ANO3: variants seen among roughly 807,000 people sequenced by gnomAD.
ANO3 encodes anoctamin 3.
ANO3 carries 99 observed loss-of-function variants against 144.8 expected under a neutral mutation model. The ratio of observed to expected loss-of-function variants is 0.68; its 90% CI spans 0.58 to 0.81. The LOEUF is 0.81. Ranked by LOEUF, ANO3 falls within the 30% of genes least tolerant of loss-of-function variation. ANO3 has a pLI of 0.00. For synonymous variants in ANO3, 414 were observed against 392.6 expected (o/e 1.05, Z -0.64); for missense variants, 905 against 1,202.2 (o/e 0.75, Z 3.66).
chr11:26,264,097 G>C (rs1040219646), intron 1 of ANO3, among the ~76,000 whole-genome samples: 1 of 152,162 alleles, frequency 6.6e-6, no homozygotes, highest in Non-Finnish European at 1.5e-5. Context: ...ACCCAAGGAG[G>C]GGTAGGGCCC....
At chr11:26,408,191 T>C (rs1857338544) in intron 1 of ANO3, among the ~76,000 whole-genome samples, 1 of 151,902 alleles carries the variant, frequency 6.6e-6, no homozygotes, top group South Asian at 2.1e-4. Context: ...ACAGGCAACC[T>C]ACAAAATGGG....
intron 7 of ANO3, among the ~76,000 whole-genome samples, chr11:26,527,051 T>A (rs534650636): frequency 3.8e-3 from 207 of 54,012 alleles, no homozygotes; most frequent in Non-Finnish European, 6.1e-3. Flanking sequence ...TGCTACTACA[T>A]AATTAGTAGG....
chr11:26,651,649 C>A (rs1444238321), intron 24 of ANO3, among the ~76,000 whole-genome samples: 1 of 151,788 alleles, frequency 6.6e-6, no homozygotes, highest in Non-Finnish European at 1.5e-5. Flanking sequence ...AAGTAATAGA[C>A]GTTTTCTAAA....
At chr11:26,309,667 T>G (rs979989129) in exon 1 of ANO3, 22 of 985,296 alleles carry the variant, frequency 2.2e-5, no homozygotes, top group Non-Finnish European at 2.7e-5. Context: ...TGTGCTTTTC[T>G]CATCGTGAGC....
At chr11:26,276,609 T>A (rs1853565497) in intron 1 of ANO3, among the ~76,000 whole-genome samples, 1 of 152,160 alleles carries the variant, frequency 6.6e-6, no homozygotes, top group Non-Finnish European at 1.5e-5. Flanking sequence ...GCCATGATTC[T>A]CAGTTAAAAC....
intron 3 of ANO3, among the ~76,000 whole-genome samples, chr11:26,452,459 C>G (rs1175456315): frequency 6.6e-6 from 1 of 152,068 alleles, no homozygotes; most frequent in African/African-American, 2.4e-5. Flanking sequence ...CCGATGCGAT[C>G]AACTGGAAGA....
At chr11:26,422,027 A>T (rs1271716413) in intron 1 of ANO3, among the ~76,000 whole-genome samples, 1 of 152,022 alleles carries the variant, frequency 6.6e-6, no homozygotes, top group East Asian at 1.9e-4. Flanking sequence ...TGATGAAGTA[A>T]TCTCTGCAAC....
intron 1 of ANO3, among the ~76,000 whole-genome samples, chr11:26,303,993 G>A (rs144204741): frequency 0.019 from 2,967 of 152,196 alleles, 62 homozygotes; most frequent in East Asian, 0.12. Flanking sequence ...GATTACAGGC[G>A]TGAGCCATCG....
chr11:26,372,681 T>C (rs933038279), intron 1 of ANO3, among the ~76,000 whole-genome samples: 1 of 152,170 alleles, frequency 6.6e-6, no homozygotes, highest in African/African-American at 2.4e-5. Flanking sequence ...CAAAAAATTT[T>C]GATACTCAGG....
At chr11:26,624,631 G>A in intron 18 of ANO3, 133 bp downstream of exon 18, 1 of 632,426 alleles carries the variant, frequency 1.6e-6, no homozygotes, top group Non-Finnish European at 2.8e-6. Context: ...AAAAGGAGAG[G>A]GGTAGTATAG....
intron 18 of ANO3, among the ~76,000 whole-genome samples, chr11:26,632,496 A>T (rs1463876084): frequency 6.7e-6 from 1 of 149,546 alleles, no homozygotes; most frequent in Non-Finnish European, 1.5e-5. Context: ...AGCCTGGGCA[A>T]CAGAGTGAGA....
chr11:26,526,737 G>A (rs1178451076), intron 7 of ANO3, among the ~76,000 whole-genome samples: 1 of 152,126 alleles, frequency 6.6e-6, no homozygotes, highest in Non-Finnish European at 1.5e-5. Context: ...AAAGAAATTA[G>A]CACTGAAATA....
At chr11:26,509,107 A>C (rs12293163) in intron 5 of ANO3, among the ~76,000 whole-genome samples, 21,480 of 95,254 alleles carry the variant, frequency 0.23, 1,608 homozygotes, top group Admixed American at 0.26. Context: ...CTCTCTCTCT[A>C]TATATATATA....
At chr11:26,549,622 G>A (rs755770976) in intron 12 of ANO3, among the ~76,000 whole-genome samples, 5 of 151,794 alleles carry the variant, frequency 3.3e-5, no homozygotes, top group African/African-American at 1.2e-4. Context: ...AATTATAGAA[G>A]TATATAACAA....
rs1411666591 is a variant in ANO3 at position 26,366,006 on chromosome 11, T to TTA, written c.46+33685_46+33686insTA. ...TATATATATATATATATATATATTT[T>TTA]AATTATACTTTAAGTTCTAGGGTAC... On this transcript the variant is annotated intron_variant, in intron 1 of 26. Coordinates refer to ENST00000256737, the MANE Select transcript of ANO3 (RefSeq NM_031418.4). Among the ~76,000 whole-genome samples, 59 of 101,684 alleles carry TTA rather than the reference T, an allele frequency of 5.8e-4. 1 individual carries two copies. The highest frequency in any genetic ancestry group is 1.6e-3 in the African/African-American group (38 of 24,284). 66.7% of individuals were successfully genotyped at this position (101,684 alleles called of 152,430 possible).
intron 1 of ANO3, among the ~76,000 whole-genome samples, chr11:26,288,562 CTG>C (rs2133850941): frequency 6.6e-6 from 1 of 152,216 alleles, no homozygotes; most frequent in African/African-American, 2.4e-5. Context: ...TGAACACAAA[CTG>C]GGGTTAATAA....
intron 8 of ANO3, among the ~76,000 whole-genome samples, chr11:26,533,301 CAG>C (rs1849420557): frequency 6.6e-6 from 1 of 151,760 alleles, no homozygotes; most frequent in Admixed American, 6.6e-5. Context: ...GAAGAAGAAA[CAG>C]AGCAAAATCT....
At chr11:26,606,723 A>C (rs1851947576) in intron 17 of ANO3, among the ~76,000 whole-genome samples, 1 of 151,986 alleles carries the variant, frequency 6.6e-6, no homozygotes, top group South Asian at 2.1e-4. Flanking sequence ...TCTTTATCAA[A>C]TTTGCCAGTT....
intron 4 of ANO3, among the ~76,000 whole-genome samples, chr11:26,501,311 G>A (rs750652309): frequency 6.6e-5 from 10 of 152,140 alleles, no homozygotes; most frequent in Non-Finnish European, 1.2e-4. Flanking sequence ...GTCACGCCCT[G>A]CTTCCTGTGT....
Sources: allele counts gnomAD v4.1 joint callset (sites outside exome capture counted in the v4.1 genomes callset), GRCh38; gene constraint gnomAD v4.1.1; transcripts MANE v1.5; gene names NCBI Gene and HGNC (gene_info 2026-07-23, HGNC 2026-07-21).